Variants in FRMD5 observed in about 807,000 individuals in gnomAD.
FRMD5 encodes the protein FERM domain-containing protein 5.
FRMD5 carries 20 observed loss-of-function variants against 69.0 expected under a neutral mutation model. That is an observed-to-expected ratio of 0.29 (90% confidence interval 0.20 to 0.42). FRMD5 has a LOEUF of 0.42. Ranked by LOEUF, FRMD5 falls within the 10% of genes least tolerant of loss-of-function variation. The probability of loss-of-function intolerance (pLI) is 1.00; values close to 1 mark genes in which losing one functional copy is unlikely to be tolerated. For synonymous variants in FRMD5, 271 were observed against 260.1 expected, an observed-to-expected ratio of 1.04 and a Z score of -0.40; for missense variants, 595 against 708.6, an observed-to-expected ratio of 0.84 and a Z score of 1.82.
intron 1 of FRMD5, among the ~76,000 whole-genome samples, chr15:44,081,285 C>G (rs951033933): frequency 6.6e-6 from 1 of 152,070 alleles, no homozygotes; most frequent in Non-Finnish European, 1.5e-5. Flanking sequence ...ACAGCTTGTT[C>G]TGGATTTTCT....
chr15:44,007,833 G>A (rs1201186864), intron 1 of FRMD5, among the ~76,000 whole-genome samples: 2 of 151,518 alleles, frequency 1.3e-5, no homozygotes, highest in East Asian at 1.9e-4. Flanking sequence ...CAGTAGAGAC[G>A]GGGTTTCTCC....
chr15:43,896,252 C>T (rs950420280), intron 7 of FRMD5, among the ~76,000 whole-genome samples: 1 of 152,236 alleles, frequency 6.6e-6, no homozygotes, highest in Admixed American at 6.5e-5. Flanking sequence ...AATTTCTCAT[C>T]CTTGTGAAAA....
At chr15:43,886,572 C>T (rs1211712450) in intron 10 of FRMD5, among the ~76,000 whole-genome samples, 1 of 152,162 alleles carries the variant, frequency 6.6e-6, no homozygotes. Flanking sequence ...TGTAACATGC[C>T]CAGGTGCCTA....
At chr15:44,130,214 G>T (rs1258297040) in intron 1 of FRMD5, among the ~76,000 whole-genome samples, 3 of 152,196 alleles carry the variant, frequency 2.0e-5, no homozygotes, top group Non-Finnish European at 4.4e-5. Context: ...TGTGCAAGGT[G>T]AGGACCATGA....
intron 13 of FRMD5, among the ~76,000 whole-genome samples, chr15:43,877,053 T>C (rs1032317709): frequency 6.6e-6 from 1 of 152,176 alleles, no homozygotes; most frequent in African/African-American, 2.4e-5. Context: ...TTTGGGCATA[T>C]AGTGAGTGAG....
At chr15:44,038,974 G>A (rs1399828973) in intron 1 of FRMD5, among the ~76,000 whole-genome samples, 1 of 152,162 alleles carries the variant, frequency 6.6e-6, no homozygotes, top group Admixed American at 6.5e-5. Flanking sequence ...GTCTGAGGTC[G>A]ACTTAGAATG....
intron 1 of FRMD5, among the ~76,000 whole-genome samples, chr15:44,015,768 G>A (rs1378506905): frequency 6.6e-6 from 1 of 152,160 alleles, no homozygotes; most frequent in African/African-American, 2.4e-5. Flanking sequence ...AAATGAGAAA[G>A]GTTACGTCAT....
chr15:44,094,014 T>C (rs1305512447), intron 1 of FRMD5, among the ~76,000 whole-genome samples: 1 of 152,108 alleles, frequency 6.6e-6, no homozygotes, highest in Admixed American at 6.6e-5. Context: ...AGACCATACC[T>C]CCACATTGCA....
intron 12 of FRMD5, among the ~76,000 whole-genome samples, chr15:43,884,057 G>A (rs1595479339): frequency 2.6e-5 from 4 of 152,206 alleles, no homozygotes; most frequent in Admixed American, 2.6e-4. Context: ...TGGCAGCAGT[G>A]CCACTGGTCT....
At chr15:44,107,366 C>A (rs974763597) in intron 1 of FRMD5, among the ~76,000 whole-genome samples, 1 of 152,084 alleles carries the variant, frequency 6.6e-6, no homozygotes, top group African/African-American at 2.4e-5. Flanking sequence ...AAAACAGGAA[C>A]GACACAGAAG....
chr15:44,057,886 A>G (rs1415746944), intron 1 of FRMD5, among the ~76,000 whole-genome samples: 1 of 152,208 alleles, frequency 6.6e-6, no homozygotes, highest in African/African-American at 2.4e-5. Flanking sequence ...AGGAATTAAA[A>G]ACCTCAAAGC....
intron 1 of FRMD5, among the ~76,000 whole-genome samples, chr15:44,030,973 GA>G (rs55964111): frequency 4.1e-5 from 6 of 148,138 alleles, no homozygotes; most frequent in African/African-American, 1.2e-4. Context: ...ACCAGAAAAA[GA>G]AAAAAAAAAA....
chr15:44,034,868 C>G (rs1348789318), intron 1 of FRMD5, among the ~76,000 whole-genome samples: 1 of 152,128 alleles, frequency 6.6e-6, no homozygotes, highest in African/African-American at 2.4e-5. Context: ...GTGCTTCTAA[C>G]TATTTTCCCT....
At chr15:43,989,365 A>G in intron 1 of FRMD5, 1 of 785,368 alleles carries the variant, frequency 1.3e-6, no homozygotes, top group Non-Finnish European at 2.3e-6. Flanking sequence ...AGTTTCATGG[A>G]TGCCGCGGGA....
Position 43,884,717 on chromosome 15 carries a change from G to A in FRMD5, c.1028+10C>T, listed in dbSNP as rs776750597. On this transcript the variant is annotated intron_variant, in intron 12 of 13. Coordinates refer to ENST00000417257, the MANE Select transcript of FRMD5 (RefSeq NM_032892.5). ...TACAACTGTTTGGGGGGAAGCCCCT[G>A]GCAGCCTACCTGTGTATTTCCGGTG... 1.9e-6 allele frequency: 3 copies of A among 1,613,024 alleles called. No homozygotes were observed. The African/African-American group carries it at 4.0e-5, about 22-fold the overall frequency.
In FRMD5 at chr15:43,988,476, T is replaced by A. The variant is rs555986745; in HGVS notation, c.103-64167A>T. 1.5e-4 allele frequency among the ~76,000 whole-genome samples: 22 copies of A among 143,868 alleles called. 1 individual carries two copies. Among genetic ancestry groups the A allele is most frequent in the South Asian group, 2.1e-4 (1 of 4,778 alleles). 94.4% of individuals were successfully genotyped at this position (143,868 alleles called of 152,430 possible). ...ATAGTGGAAACATAAGTGTTTTTTTTATAAGGCATGCACTTTTATTCAACT... is the reference window on the plus strand; with the variant it reads ...ATAGTGGAAACATAAGTGTTTTTTTAATAAGGCATGCACTTTTATTCAACT... On this transcript the variant is annotated intron_variant, in intron 1 of 13. Coordinates refer to ENST00000417257, the MANE Select transcript of FRMD5 (RefSeq NM_032892.5).
chr15:44,101,279 G>A (rs527743549), intron 1 of FRMD5, among the ~76,000 whole-genome samples: 31 of 152,250 alleles, frequency 2.0e-4, no homozygotes, highest in Admixed American at 7.8e-4. Context: ...GATTCTGAGG[G>A]GCTTTCCCCC....
intron 1 of FRMD5, 25 bp downstream of exon 1, chr15:44,194,928 C>A: frequency 6.7e-7 from 1 of 1,495,618 alleles, no homozygotes; most frequent in South Asian, 1.2e-5. Context: ...GTCCCGCGGG[C>A]GGGGCGGGGC....
intron 1 of FRMD5, among the ~76,000 whole-genome samples, chr15:43,986,558 G>A (rs1191732857): frequency 6.6e-6 from 1 of 152,178 alleles, no homozygotes; most frequent in Non-Finnish European, 1.5e-5. Flanking sequence ...AACTCTTGCA[G>A]ATATTTCATG....
Sources: allele counts gnomAD v4.1 joint callset (sites outside exome capture counted in the v4.1 genomes callset), GRCh38; gene constraint gnomAD v4.1.1; transcripts MANE v1.5; gene names NCBI Gene and HGNC (gene_info 2026-07-23, HGNC 2026-07-21).